The following RFC3 variants were observed in gnomAD, a reference collection of about 807,000 sequenced individuals.
The protein encoded by RFC3 is replication factor C subunit 3.
RFC3 carries 41 observed loss-of-function variants against 45.1 expected under a neutral mutation model. The observed-to-expected ratio is 0.91, with a 90% CI of 0.71 to 1.18. The LOEUF (loss-of-function observed/expected upper bound fraction) is 1.18. Ranked by LOEUF, RFC3 falls within the 50% of genes most tolerant of loss-of-function variation. RFC3 has a pLI of 0.00. For synonymous variants in RFC3, 149 were observed against 144.0 expected, an observed-to-expected ratio of 1.03 and a Z score of -0.25; for missense variants, 423 against 428.1, an observed-to-expected ratio of 0.99 and a Z score of 0.10.
chr13:33,945,690 A>AG (rs1444197349), intron 8 of RFC3, among the ~76,000 whole-genome samples: 1 of 152,218 alleles, frequency 6.6e-6, no homozygotes, highest in Non-Finnish European at 1.5e-5. Context: ...ACATGCCTTT[A>AG]GGGATATACG....
chr13:33,889,247 A>G (rs1192113823), intron 8 of RFC3, among the ~76,000 whole-genome samples: 1 of 152,208 alleles, frequency 6.6e-6, no homozygotes, highest in African/African-American at 2.4e-5. Flanking sequence ...ATATACAGAT[A>G]TTTTGAGGAA....
At chr13:33,949,470 C>A (rs1447024030) in intron 8 of RFC3, among the ~76,000 whole-genome samples, 1 of 152,184 alleles carries the variant, frequency 6.6e-6, no homozygotes, top group East Asian at 1.9e-4. Flanking sequence ...AAGCACCGTA[C>A]TCAATTCTGA....
At chr13:33,934,537 C>G (rs928658960) in intron 8 of RFC3, among the ~76,000 whole-genome samples, 1 of 152,068 alleles carries the variant, frequency 6.6e-6, no homozygotes, top group African/African-American at 2.4e-5. Flanking sequence ...CAGTTACTAC[C>G]AGATCCTCTG....
chr13:33,819,206 G>GT, intron 1 of RFC3, among the ~76,000 whole-genome samples: 1 of 152,118 alleles, frequency 6.6e-6, no homozygotes, highest in Non-Finnish European at 1.5e-5. Context: ...TTAGAGCTTT[G>GT]TGAAAGATCC....
intron 8 of RFC3, among the ~76,000 whole-genome samples, chr13:33,959,314 G>A (rs1566043026): frequency 1.3e-5 from 2 of 152,040 alleles, no homozygotes; most frequent in Non-Finnish European, 2.9e-5. Flanking sequence ...TCCTTATTAA[G>A]GGCTTCCAAG....
At chr13:33,956,213 C>G (rs2083021087) in intron 8 of RFC3, among the ~76,000 whole-genome samples, 1 of 152,144 alleles carries the variant, frequency 6.6e-6, no homozygotes, top group South Asian at 2.1e-4. Flanking sequence ...GTGTATTTTC[C>G]TTTCTTGCAC....
At chr13:33,824,049 A>G in intron 3 of RFC3, 65 bp downstream of exon 3, 1 of 758,476 alleles carries the variant, frequency 1.3e-6, no homozygotes, top group Non-Finnish European at 2.1e-6. Context: ...TTCTTTTTTT[A>G]AAAGATTGAA....
chr13:33,843,293 T>A (rs913621797), intron 8 of RFC3, among the ~76,000 whole-genome samples: 2 of 152,040 alleles, frequency 1.3e-5, no homozygotes, highest in African/African-American at 4.8e-5. Flanking sequence ...GTGTACAAGA[T>A]TTACAATAAA....
At chr13:33,920,181 T>C (rs904637703) in intron 8 of RFC3, among the ~76,000 whole-genome samples, 1 of 152,058 alleles carries the variant, frequency 6.6e-6, no homozygotes, top group African/African-American at 2.4e-5. Context: ...AGCATCCCCA[T>C]GTTATGGGAA....
chr13:33,938,396 T>A (rs1323400894), intron 8 of RFC3, among the ~76,000 whole-genome samples: 3 of 151,994 alleles, frequency 2.0e-5, no homozygotes, highest in Admixed American at 1.3e-4. Context: ...AGTATAAAAA[T>A]CATAATAATC....
intron 8 of RFC3, among the ~76,000 whole-genome samples, chr13:33,921,294 G>T (rs141793296): frequency 6.6e-6 from 1 of 152,274 alleles, no homozygotes; most frequent in East Asian, 1.9e-4. Context: ...GTAGCACTTA[G>T]TGGCTCCGTA....
At chr13:33,825,626 G>A (rs1241246455) in intron 3 of RFC3, among the ~76,000 whole-genome samples, 163 bp from the exon 4 acceptor site, 2 of 152,018 alleles carry the variant, frequency 1.3e-5, no homozygotes, top group Non-Finnish European at 2.9e-5. Context: ...AATATTGTTA[G>A]TATTTTCAAT....
intron 8 of RFC3, among the ~76,000 whole-genome samples, chr13:33,946,378 C>CT: frequency 6.6e-6 from 1 of 152,222 alleles, no homozygotes; most frequent in Middle Eastern, 3.4e-3. Context: ...AGTTTCCAGA[C>CT]TTTTTTCTTT....
chr13:33,951,744 TAAC>T (rs1250831936), intron 8 of RFC3, among the ~76,000 whole-genome samples: 2 of 152,242 alleles, frequency 1.3e-5, no homozygotes, highest in African/African-American at 2.4e-5. Flanking sequence ...TTTAATATAA[TAAC>T]AAGTTGACAA....
chr13:33,976,074 G>A, the RFC3 span, among the ~76,000 whole-genome samples: 1 of 152,158 alleles, frequency 6.6e-6, no homozygotes, highest in Non-Finnish European at 1.5e-5. Flanking sequence ...CCAAAAAGTA[G>A]TTGAAAACCC....
intron 8 of RFC3, among the ~76,000 whole-genome samples, chr13:33,859,349 A>G (rs2082326270): frequency 6.6e-6 from 1 of 152,222 alleles, no homozygotes; most frequent in Non-Finnish European, 1.5e-5. Context: ...CAACATACTT[A>G]TAATAGAGAC....
chr13:33,960,336 A>G, intron 8 of RFC3, among the ~76,000 whole-genome samples: 1 of 152,172 alleles, frequency 6.6e-6, no homozygotes, highest in East Asian at 1.9e-4. Flanking sequence ...CCTTGGGCAC[A>G]CTCCATAAGA....
chr13:33,858,864 T>C (rs2082323415), intron 8 of RFC3, among the ~76,000 whole-genome samples: 1 of 152,208 alleles, frequency 6.6e-6, no homozygotes, highest in African/African-American at 2.4e-5. Context: ...AAAATTGTTT[T>C]TCTAATTCTG....
intron 8 of RFC3, chr13:33,849,907 ATTAGAG>A (rs1331494097): frequency 6.6e-6 from 1 of 152,054 alleles, no homozygotes; most frequent in Admixed American, 6.6e-5. Context: ...ACAAAAAAGT[ATTAGAG>A]TTATGATGTG....
Sources: allele counts gnomAD v4.1 joint callset (sites outside exome capture counted in the v4.1 genomes callset), GRCh38; gene constraint gnomAD v4.1.1; transcripts MANE v1.5; gene names NCBI Gene and HGNC (gene_info 2026-07-23, HGNC 2026-07-21).